The following PRKCH variants were observed in gnomAD, a reference collection of about 807,000 sequenced individuals.
PRKCH encodes protein kinase C eta type.
PRKCH carries 28 observed loss-of-function variants against 82.5 expected under a neutral mutation model. The observed-to-expected ratio is 0.34, with a 90% CI of 0.25 to 0.47. PRKCH has a LOEUF of 0.47. Among genes scored for constraint, PRKCH ranks in the 20% least tolerant of loss-of-function variants. The pLI is 1.00. For missense variants in PRKCH, 705 were observed against 881.8 expected, an observed-to-expected ratio of 0.80 and a Z score of 2.54; for synonymous variants, 322 against 327.4, an observed-to-expected ratio of 0.98 and a Z score of 0.18.
At chr14:61,246,411 G>GGA (rs1555371189) in intron 1 of PRKCH, among the ~76,000 whole-genome samples, 1 of 146,786 alleles carries the variant, frequency 6.8e-6, no homozygotes, top group Non-Finnish European at 1.5e-5. Flanking sequence ...CTGTCTCAAA[G>GGA]AAAAAAAAAA....
chr14:61,461,903 A>G (rs181077320), intron 9 of PRKCH, among the ~76,000 whole-genome samples: 37 of 152,224 alleles, frequency 2.4e-4, no homozygotes, highest in South Asian at 6.2e-4. Flanking sequence ...ATTGAAGTCT[A>G]TTTTTCCTAG....
chr14:61,528,973 C>CGT (rs57920054), intron 10 of PRKCH, 102 bp from the exon 11 acceptor site: 10,397 of 565,708 alleles, frequency 0.018, 46 homozygotes, highest in Admixed American at 0.05. Context: ...TGTGGCCGCA[C>CGT]GTGTGTGTGT....
intron 1 of PRKCH, among the ~76,000 whole-genome samples, chr14:61,372,648 A>G (rs1354728272): frequency 2.0e-5 from 3 of 152,046 alleles, no homozygotes; most frequent in South Asian, 2.1e-4. Flanking sequence ...TCTAGAGTCC[A>G]TACTCATTTC....
rs139466142 is a variant in PRKCH at position 61,359,804 on chromosome 14, A to C, written c.364-31421A>C. The stretch of plus-strand genomic sequence containing the variant: ...GAATTAAAATAAAATGAAGTGGAAA[A>C]AATTAAGTTCATCAATTATATTAGC... On this transcript the variant is annotated intron_variant, in intron 1 of 13. Transcript: ENST00000332981. Among the ~76,000 whole-genome samples the C allele has an allele frequency of 4.3e-4, 65 of 152,342 alleles. No individual in the cohort carries two copies. In the East Asian group the frequency reaches 0.012, roughly 28 times the overall value.
At chr14:61,437,289 T>A (rs1883724698) in intron 2 of PRKCH, among the ~76,000 whole-genome samples, 1 of 152,226 alleles carries the variant, frequency 6.6e-6, no homozygotes, top group Admixed American at 6.5e-5. Flanking sequence ...GTGTTTTTGA[T>A]GATGTTAAGC....
At chr14:61,397,955 C>T (rs1329397670) in intron 2 of PRKCH, among the ~76,000 whole-genome samples, 2 of 152,186 alleles carry the variant, frequency 1.3e-5, no homozygotes, top group African/African-American at 4.8e-5. Flanking sequence ...TTGTGGAAGT[C>T]TCTCACAGAG....
chr14:61,541,400 T>C (rs1195686583), intron 12 of PRKCH, among the ~76,000 whole-genome samples: 3 of 152,222 alleles, frequency 2.0e-5, no homozygotes, highest in Non-Finnish European at 4.4e-5. Flanking sequence ...TTCTCTGCCC[T>C]TTCTCCCCAG....
chr14:61,404,643 C>T (rs1424462334), intron 2 of PRKCH, among the ~76,000 whole-genome samples: 1 of 152,146 alleles, frequency 6.6e-6, no homozygotes, highest in Non-Finnish European at 1.5e-5. Context: ...TATGTACCTC[C>T]ACAGGTGGTA....
chr14:61,414,588 C>CTT (rs1159456993), intron 2 of PRKCH, among the ~76,000 whole-genome samples: 82 of 128,294 alleles, frequency 6.4e-4, no homozygotes, highest in Non-Finnish European at 9.3e-4. Flanking sequence ...TTCATTTATT[C>CTT]TTTTTTTTTT....
chr14:61,191,220 G>A (rs576754387), intron 1 of PRKCH, among the ~76,000 whole-genome samples: 1 of 152,278 alleles, frequency 6.6e-6, no homozygotes, highest in South Asian at 2.1e-4. Flanking sequence ...GTGAGAGGAG[G>A]GAATGGGTTT....
Position 61,201,757 on chromosome 14 carries a change from G to A in PRKCH, c.-19+14089G>A, listed in dbSNP as rs1011739597. Reference sequence around the variant, plus strand: ...AAAGTTGGAAGGGTGGTTAATATATGTGAGTCAAATTCGTAATTTTTTAAA... The same window carrying A: ...AAAGTTGGAAGGGTGGTTAATATATATGAGTCAAATTCGTAATTTTTTAAA... On this transcript the variant is annotated intron_variant, in intron 1 of 3. Coordinates refer to the PRKCH transcript ENST00000555185. Among the ~76,000 whole-genome samples the A allele has an allele frequency of 3.9e-5, 6 of 152,274 alleles. 1 individual carries two copies. Among genetic ancestry groups the A allele is most frequent in the Admixed American group, 6.5e-5 (1 of 15,302 alleles).
chr14:61,462,241 G>T (rs114722313), intron 9 of PRKCH, among the ~76,000 whole-genome samples: 7,116 of 152,206 alleles, frequency 0.047, 566 homozygotes, highest in African/African-American at 0.16. Context: ...AATACAAAAA[G>T]TAGCTTGGTG....
chr14:61,481,850 G>A (rs1885987562), intron 9 of PRKCH, among the ~76,000 whole-genome samples: 1 of 152,046 alleles, frequency 6.6e-6, no homozygotes, highest in Admixed American at 6.5e-5. Context: ...ACAAGCATTG[G>A]CAGCTTCAGC....
chr14:61,280,376 C>T lies in PRKCH; in HGVS notation c.-19+92708C>T, dbSNP rs974236743. On this transcript the variant is annotated intron_variant, in intron 1 of 3. Coordinates refer to the PRKCH transcript ENST00000555185. The surrounding 1 kb of genome is among the most constrained non-coding windows in gnomAD (Gnocchi z 5.0). ...TACAGTTTGCGGAACGTGGGCAGCG[C>T]CGCCGTGCGCATCCACACCACGAAG... The T allele has an allele frequency of 6.2e-7, 1 of 1,614,012 alleles. No homozygotes were observed. Among genetic ancestry groups the T allele is most frequent in the Non-Finnish European group, 8.5e-7 (1 of 1,179,904 alleles).
intron 1 of PRKCH, among the ~76,000 whole-genome samples, chr14:61,345,872 CTCTTT>C (rs2045985690): frequency 6.9e-6 from 1 of 144,106 alleles, no homozygotes; most frequent in Non-Finnish European, 1.5e-5. Flanking sequence ...GACCCTGTCT[CTCTTT>C]TTTTTTTTTT....
intron 10 of PRKCH, among the ~76,000 whole-genome samples, chr14:61,512,326 AGAAAATCCAG>A (rs1406803167): frequency 6.7e-6 from 1 of 149,632 alleles, no homozygotes; most frequent in Non-Finnish European, 1.5e-5. Context: ...AGCCTCAGAG[AGAAAATCCAG>A]GAAAATCCAG....
At chr14:61,230,411 C>T (rs1375758596) in intron 1 of PRKCH, among the ~76,000 whole-genome samples, 1 of 152,184 alleles carries the variant, frequency 6.6e-6, no homozygotes, top group East Asian at 1.9e-4. Flanking sequence ...AGGAGCCCCT[C>T]AGCAAGTAGC....
intron 1 of PRKCH, among the ~76,000 whole-genome samples, chr14:61,330,457 G>C (rs2045769818): frequency 1.3e-5 from 2 of 152,192 alleles, no homozygotes; most frequent in Non-Finnish European, 2.9e-5. Flanking sequence ...ACCTGCAAAA[G>C]AACTTTTGAC....
intron 9 of PRKCH, among the ~76,000 whole-genome samples, chr14:61,482,341 CCTT>C (rs760231458): frequency 6.6e-6 from 1 of 152,206 alleles, no homozygotes; most frequent in Non-Finnish European, 1.5e-5. Flanking sequence ...TCGTTTATCT[CCTT>C]CTCTTCAAAA....
Sources: allele counts gnomAD v4.1 joint callset (sites outside exome capture counted in the v4.1 genomes callset), GRCh38; gene constraint gnomAD v4.1.1; non-coding constraint Gnocchi (gnomAD v3.1); transcripts MANE v1.5; gene names NCBI Gene and HGNC (gene_info 2026-07-23, HGNC 2026-07-21).